Variants in RB1CC1 observed in about 807,000 individuals in gnomAD.
The protein encoded by RB1CC1 is RB1 inducible coiled-coil 1, also known as RB1-inducible coiled-coil protein 1.
A neutral mutation model predicts 177.5 loss-of-function variants in RB1CC1; 46 were observed. The ratio of observed to expected loss-of-function variants is 0.26; its 90% CI spans 0.20 to 0.33. The LOEUF (loss-of-function observed/expected upper bound fraction) is 0.33, where lower values mean the gene tolerates loss of function less well. Among genes scored for constraint, RB1CC1 ranks in the 10% least tolerant of loss-of-function variants. The pLI, the probability that RB1CC1 is intolerant of heterozygous loss-of-function variation, is 1.00. For synonymous variants in RB1CC1, 666 were observed against 613.6 expected, an observed-to-expected ratio of 1.09 and a Z score of -1.26; for missense variants, 1,703 against 1,816.3, an observed-to-expected ratio of 0.94 and a Z score of 1.13.
chr8:52,662,103 T>C (rs1399118565), intron 8 of RB1CC1, among the ~76,000 whole-genome samples: 1 of 152,022 alleles, frequency 6.6e-6, no homozygotes, highest in African/African-American at 2.4e-5. Flanking sequence ...CTAGCAAACA[T>C]TATACAGTAG....
At chr8:52,675,377 A>G (rs1853002624) in intron 6 of RB1CC1, among the ~76,000 whole-genome samples, 1 of 152,292 alleles carries the variant, frequency 6.6e-6, no homozygotes, top group South Asian at 2.1e-4. Context: ...TAAAAGAAAA[A>G]AAAATCTACA....
intron 20 of RB1CC1, among the ~76,000 whole-genome samples, chr8:52,634,001 C>T (rs142340828): frequency 2.4e-4 from 36 of 152,302 alleles, no homozygotes; most frequent in African/African-American, 8.2e-4. Context: ...CCTGTACTCC[C>T]AGCTACTTGC....
rs933929288 is a variant in RB1CC1 at position 52,689,266 on chromosome 8, A to C, written c.-166-2299T>G. Among the ~76,000 whole-genome samples, 7 of 152,196 alleles carry C rather than the reference A, an allele frequency of 4.6e-5. No homozygotes were observed. The South Asian group carries it at 1.4e-3, about 32-fold the overall frequency. On this transcript the variant is annotated intron_variant, in intron 1 of 23. Transcript: ENST00000025008. Reference sequence around the variant, plus strand: ...CCCAATCTCTCACATATTATCCTAGATTTGTCTTCCTCCTAAAAGACATAC... The same window carrying C: ...CCCAATCTCTCACATATTATCCTAGCTTTGTCTTCCTCCTAAAAGACATAC...
intron 22 of RB1CC1, among the ~76,000 whole-genome samples, chr8:52,625,279 G>C (rs975484015): frequency 5.3e-5 from 8 of 152,118 alleles, no homozygotes; most frequent in African/African-American, 1.7e-4. Flanking sequence ...CACAGTGCTT[G>C]GCACAGCAGT....
chr8:52,693,474 C>G (rs555444971), intron 1 of RB1CC1, among the ~76,000 whole-genome samples: 2 of 152,012 alleles, frequency 1.3e-5, no homozygotes, highest in Non-Finnish European at 2.9e-5. Context: ...AAAAGCTCAA[C>G]ATCAAAGATC....
chr8:52,698,230 C>A (rs950261981), intron 1 of RB1CC1, among the ~76,000 whole-genome samples: 2 of 152,054 alleles, frequency 1.3e-5, no homozygotes, highest in Non-Finnish European at 2.9e-5. Context: ...GCATGCACTA[C>A]CATGCCCAGC....
intron 8 of RB1CC1, among the ~76,000 whole-genome samples, chr8:52,661,986 TAATAGTC>T (rs1398632485): frequency 6.6e-6 from 1 of 152,050 alleles, no homozygotes; most frequent in Non-Finnish European, 1.5e-5. Context: ...AGGACATACT[TAATAGTC>T]AATGAGAATT....
Position 52,661,193 on chromosome 8 carries a change from C to T in RB1CC1, c.1447G>A (p.Val483Ile). The T allele has an allele frequency of 6.2e-7, 1 of 1,613,936 alleles. No homozygotes were observed. Among genetic ancestry groups the T allele is most frequent in the Non-Finnish European group, 8.5e-7 (1 of 1,179,886 alleles). The change falls in exon 10 of 24, where the codon GTC becomes ATC. Residue 483 changes from valine (V) to isoleucine (I), a missense_variant. By Grantham distance (29) the Val-to-Ile change is conservative. Coordinates refer to ENST00000025008, the MANE Select transcript of RB1CC1 (RefSeq NM_014781.5). ...LRLVIELLER[V>I]KIVEALSTVP... is the part of the protein sequence containing the mutation. ...GTACTAAGAGCTTCAACAATTTTGA[C>T]TCTTTCTAACAGCTCTATTACGAGG...
At chr8:52,635,036 G>C in intron 19 of RB1CC1, 68 bp from the exon 20 acceptor site, 1 of 1,401,330 alleles carries the variant, frequency 7.1e-7, no homozygotes, top group Admixed American at 2.2e-5. Context: ...AACAGTGATT[G>C]TCAAAGTTTT....
At position 52,658,110 on chromosome 8, in the gene RB1CC1, C is replaced by G; in HGVS notation, c.1808G>C (p.Cys603Ser). Residue 603 changes from cysteine (C) to serine (S), a missense_variant, in exon 14 of 24, where the codon TGT (cysteine) becomes TCT (serine). Transcript: ENST00000025008. ...VQPFLRVPLL[C>S]DFEPLHQHVL... ...ATGCTGGTGTAGAGGTTCAAAGTCA[C>G]AAAGTAAGGGAACCCTGAAACAGAA... is the stretch of plus-strand genomic sequence containing the variant. 1 of 1,612,334 alleles carries G rather than the reference C, an allele frequency of 6.2e-7. No individual in the cohort carries two copies. The highest frequency in any genetic ancestry group is 8.5e-7 in the Non-Finnish European group (1 of 1,179,602).
chr8:52,684,013 A>G lies in RB1CC1; in HGVS notation c.72T>C (p.Thr24=). ...GAATGGCATGCTTAAGGTCTGCCAC[A>G]CTTCAAAAAATGAAATAAAATAAAT... ...LTFDTELTVQ[T]VADLKHAIQS... Residue 24 remains threonine (T), a splice_region_variant and synonymous_variant, in exon 4 of 24, where the codon ACT becomes ACC. Transcript: ENST00000025008. 1 of 1,610,120 alleles carries G rather than the reference A, an allele frequency of 6.2e-7. No individual in the cohort carries two copies. Among genetic ancestry groups the G allele is most frequent in the East Asian group, 2.2e-5 (1 of 44,836 alleles).
rs2305427 is a variant in RB1CC1 at position 52,642,509 on chromosome 8, A to G, written c.4179T>C (p.Arg1393=). The G allele has an allele frequency of 0.19, 305,967 of 1,613,780 alleles. 36,382 individuals carry two copies. Among genetic ancestry groups the G allele is most frequent in the East Asian group, 0.65 (28,956 of 44,808 alleles). ...ATGGTGAAGGAACAAAACTGCTACT[A>G]CGCAACTTACTGACTTCTTCTTCAA... ...KKLEEEVSKL[R]SSSFVPSPYV... The change falls in exon 18 of 24, where the codon CGT becomes CGC. Residue 1393 remains arginine (R), a synonymous_variant. Coordinates refer to ENST00000025008, the MANE Select transcript of RB1CC1 (RefSeq NM_014781.5).
chr8:52,629,088 T>A (rs749270570), intron 21 of RB1CC1, among the ~76,000 whole-genome samples: 1 of 152,140 alleles, frequency 6.6e-6, no homozygotes, highest in Non-Finnish European at 1.5e-5. Flanking sequence ...GAACGGCCCA[T>A]TGACATGACA....
intron 1 of RB1CC1, among the ~76,000 whole-genome samples, chr8:52,699,350 C>G (rs1855774531): frequency 6.6e-6 from 1 of 152,070 alleles, no homozygotes; most frequent in Non-Finnish European, 1.5e-5. Context: ...GATATCTGTT[C>G]TTCAAAATTT....
In RB1CC1 at chr8:52,630,509, G is replaced by A. The variant is rs1161656782; in HGVS notation, c.4460C>T (p.Ser1487Leu). The change falls in exon 21 of 24, where the codon TCA (serine) becomes TTA (leucine). Residue 1487 changes from serine (S) to leucine (L), a missense_variant. Ser to Leu is a moderately radical substitution (Grantham distance 145). This residue lies in a region of RB1CC1 where 1,169 missense variants were observed against 1,184.7 expected (regional missense o/e 0.99). Coordinates refer to ENST00000025008, the MANE Select transcript of RB1CC1 (RefSeq NM_014781.5). ...NQRLMSQSMS[S>L]VSSRHSEKIA... ...CTTTTCAGAATGCCTTGAAGATACT[G>A]AAGACATGCTCTGAGACATCTAAAA... 2 of 1,573,856 alleles carry A rather than the reference G, an allele frequency of 1.3e-6. No homozygotes were observed. The highest frequency in any genetic ancestry group is 1.7e-6 in the Non-Finnish European group (2 of 1,164,242).
intron 1 of RB1CC1, among the ~76,000 whole-genome samples, chr8:52,704,965 T>C (rs1856424270): frequency 6.6e-6 from 1 of 152,178 alleles, no homozygotes; most frequent in Admixed American, 6.5e-5. Flanking sequence ...CAATTCTAAA[T>C]TAAAAGTAAC....
At chr8:52,662,763 G>T (rs2150507844) in intron 8 of RB1CC1, among the ~76,000 whole-genome samples, 1 of 152,106 alleles carries the variant, frequency 6.6e-6, no homozygotes, top group East Asian at 1.9e-4. Context: ...CTGAAAGGAA[G>T]ACAATTTTCA....
intron 12 of RB1CC1, among the ~76,000 whole-genome samples, chr8:52,659,687 G>C (rs1851435023): frequency 2.0e-5 from 3 of 152,194 alleles, no homozygotes; most frequent in Admixed American, 2.0e-4. Flanking sequence ...AAATCCTGCA[G>C]TATAGAAACA....
chr8:52,706,303 C>T (rs1856541527), intron 1 of RB1CC1, among the ~76,000 whole-genome samples: 1 of 151,522 alleles, frequency 6.6e-6, no homozygotes, highest in East Asian at 1.9e-4. Flanking sequence ...TGCCCCACTC[C>T]CATTCTAAAT....
Sources: allele counts gnomAD v4.1 joint callset (sites outside exome capture counted in the v4.1 genomes callset), GRCh38; gene constraint gnomAD v4.1.1; regional missense constraint gnomAD v4.1.1; transcripts MANE v1.5; gene names NCBI Gene and HGNC (gene_info 2026-07-23, HGNC 2026-07-21).